FANCB: variants seen among roughly 807,000 people sequenced by gnomAD.
FANCB encodes Fanconi anemia group B protein.
FANCB carries 5 observed loss-of-function variants against 38.9 expected under a neutral mutation model. The observed-to-expected ratio is 0.13, with a 90% CI of 0.07 to 0.27. The LOEUF is 0.27. FANCB is among the 10% of genes least tolerant of loss of function. The probability of loss-of-function intolerance (pLI) is 1.00; values close to 1 mark genes in which losing one functional copy is unlikely to be tolerated. For synonymous variants in FANCB, 236 were observed against 215.4 expected, an observed-to-expected ratio of 1.10 and a Z score of -0.84; for missense variants, 573 against 602.7, an observed-to-expected ratio of 0.95 and a Z score of 0.52.
chrX:14,832,455 T>C (rs972591097), downstream of FANCB, among the ~76,000 whole-genome samples: 6 of 111,628 alleles, frequency 5.4e-5, no homozygotes, highest in Non-Finnish European at 1.1e-4. Flanking sequence ...CATTCTGAAG[T>C]ACCAGGAGTT....
chrX:14,810,451 C>T, the FANCB span, among the ~76,000 whole-genome samples: 1 of 111,525 alleles, frequency 9.0e-6, no homozygotes, highest in Admixed American at 9.5e-5. Context: ...CTAGAATAAC[C>T]AATACAGAGA....
the FANCB span, among the ~76,000 whole-genome samples, chrX:14,726,681 T>G: frequency 7.1e-5 from 8 of 112,641 alleles, no homozygotes; most frequent in South Asian, 1.1e-3. Context: ...CATCCTTCTA[T>G]TCTAGCTCTG....
the FANCB span, among the ~76,000 whole-genome samples, chrX:14,748,553 G>A: frequency 1.2e-4 from 13 of 112,608 alleles, no homozygotes; most frequent in East Asian, 2.8e-3. Context: ...TGATAACAAC[G>A]ACAACAATGC....
the FANCB span, among the ~76,000 whole-genome samples, chrX:14,810,015 C>T: frequency 2.1e-4 from 24 of 111,731 alleles, no homozygotes; most frequent in African/African-American, 6.8e-4. Context: ...CAGCAGCATT[C>T]GTGGTTCTGC....
rs147973478 is a variant in FANCB, at chrX:14,843,469, G to A, written c.*98C>T. On this transcript the variant is annotated 3_prime_UTR_variant, in exon 10 of 10. Transcript: ENST00000650831. The stretch of plus-strand genomic sequence containing the variant: ...TAAAGTTTCTACTACAGTAAGCCTC[G>A]GTGTTTATTTTTACAAAGGAGGCAT... 599 of 559,559 alleles carry A rather than the reference G, an allele frequency of 1.1e-3. 1 individual carries two copies. Among genetic ancestry groups the A allele is most frequent in the African/African-American group, 9.8e-3 (415 of 42,357 alleles). The allele number at this position is 559,559 out of a possible 1,213,427, so 46.1% of individuals were successfully genotyped here.
the FANCB span, among the ~76,000 whole-genome samples, chrX:14,735,035 GTGTATACT>G: frequency 9.3e-6 from 1 of 107,012 alleles, no homozygotes; most frequent in African/African-American, 3.4e-5. Flanking sequence ...ATTGATGCTT[GTGTATACT>G]TCACGAAGTT....
At chrX:14,850,719 C>A in intron 6 of FANCB, 45 bp from the exon 7 acceptor site, 8 of 814,145 alleles carry the variant, frequency 9.8e-6, no homozygotes, top group African/African-American at 2.1e-5. Flanking sequence ...TACGTACCGT[C>A]TGTAGCAAAA....
chrX:14,738,279 T>G, the FANCB span, among the ~76,000 whole-genome samples: 1 of 112,461 alleles, frequency 8.9e-6, no homozygotes, highest in African/African-American at 3.2e-5. Context: ...AACAGATTAA[T>G]TCCCTTATAA....
chrX:14,806,905 T>G, the FANCB span, among the ~76,000 whole-genome samples: 1 of 111,958 alleles, frequency 8.9e-6, no homozygotes, highest in Non-Finnish European at 1.9e-5. Context: ...ATTTAAAAAC[T>G]GGAATTTATT....
chrX:14,789,552 T>C, the FANCB span, among the ~76,000 whole-genome samples: 2 of 112,439 alleles, frequency 1.8e-5, no homozygotes, highest in Admixed American at 1.9e-4. Flanking sequence ...TTTAATAAAA[T>C]TGACTCCCAA....
At chrX:14,825,900 T>A in the FANCB span, among the ~76,000 whole-genome samples, 1 of 112,388 alleles carries the variant, frequency 8.9e-6, no homozygotes, top group South Asian at 3.6e-4. Context: ...ATTCAAGCTA[T>A]CTCTGGTATG....
chrX:14,754,766 A>G, the FANCB span, among the ~76,000 whole-genome samples: 1 of 111,054 alleles, frequency 9.0e-6, no homozygotes, highest in African/African-American at 3.3e-5. Context: ...AAACACCTAA[A>G]GAAGAAATAA....
chrX:14,842,376 T>C (rs2092357721), downstream of FANCB, among the ~76,000 whole-genome samples: 1 of 112,001 alleles, frequency 8.9e-6, no homozygotes, highest in Non-Finnish European at 1.9e-5. Context: ...GAATTAGCAC[T>C]TCACAGCCAC....
chrX:14,858,309 C>T (rs1248091628), intron 4 of FANCB, among the ~76,000 whole-genome samples: 1 of 109,594 alleles, frequency 9.1e-6, no homozygotes, highest in Non-Finnish European at 1.9e-5. Context: ...GCAGGAGAAT[C>T]GTTTGAACCC....
chrX:14,812,739 A>G, the FANCB span, among the ~76,000 whole-genome samples: 2,407 of 110,179 alleles, frequency 0.022, 63 homozygotes, highest in African/African-American at 0.076. Flanking sequence ...CAGAGGTACA[A>G]GGAGGAACTG....
rs112920729 is a variant in FANCB, at chrX:14,854,840, A to G, written c.1198-1673T>C. On this transcript the variant is annotated intron_variant, in intron 5 of 9. Transcript: ENST00000650831. ...AATTGCCCTTTCTCCCCTGGAGTCA[A>G]TACTACCCTGGCCTTTTAAGATAAT... Among the ~76,000 whole-genome samples, 882 of 111,886 alleles carry G rather than the reference A, an allele frequency of 7.9e-3. 12 individuals carry two copies. Among genetic ancestry groups the G allele is most frequent in the African/African-American group, 0.026 (807 of 30,781 alleles).
At chrX:14,871,638 G>GTATATATATATATATATA (rs1406401370) in intron 1 of FANCB, among the ~76,000 whole-genome samples, 3 of 109,467 alleles carry the variant, frequency 2.7e-5, no homozygotes, top group African/African-American at 1.0e-4. Flanking sequence ...GTGTGTGTGT[G>GTATATATATATATATATA]TGTATATATA....
the FANCB span, among the ~76,000 whole-genome samples, chrX:14,707,461 T>C: frequency 9.0e-6 from 1 of 111,421 alleles, no homozygotes; most frequent in Non-Finnish European, 1.9e-5. Context: ...TCCTTTCGCC[T>C]GCTTTTTGAC....
chrX:14,857,087 TAC>T (rs1404231839), intron 5 of FANCB, among the ~76,000 whole-genome samples: 3 of 111,560 alleles, frequency 2.7e-5, no homozygotes, highest in African/African-American at 9.8e-5. Flanking sequence ...CAAAAATATA[TAC>T]ACACATACAC....
Sources: gnomAD v4.1 joint callset for allele counts (sites outside exome capture counted in the v4.1 genomes callset) on GRCh38, gnomAD v4.1.1 for gene constraint, MANE v1.5 for transcripts, NCBI Gene and HGNC (gene_info 2026-07-23, HGNC 2026-07-21) for gene names.